The following GCGR variants were observed in gnomAD, a reference collection of about 807,000 sequenced individuals.
The protein encoded by GCGR is glucagon receptor.
In GCGR, 41 loss-of-function variants were observed where a neutral mutation model predicts 56.1. The ratio of observed to expected loss-of-function variants is 0.73; its 90% CI spans 0.57 to 0.95. GCGR has a LOEUF of 0.95. Among genes scored for constraint, GCGR ranks in the 40% least tolerant of loss-of-function variants. The pLI is 0.00. For missense variants in GCGR, 595 were observed against 638.2 expected, an observed-to-expected ratio of 0.93 and a Z score of 0.73; for synonymous variants, 278 against 271.1, an observed-to-expected ratio of 1.03 and a Z score of -0.25.
Position 81,811,314 on chromosome 17 carries a change from C to T in GCGR, c.486C>T (p.Ile162=), listed in dbSNP as rs1183898868. 1.3e-6 allele frequency: 2 copies of T among 1,535,122 alleles called. No homozygotes were observed. Among genetic ancestry groups the T allele is most frequent in the Non-Finnish European group, 1.7e-6 (2 of 1,146,088 alleles). ...SLGALLLALA[I]LGGLSKLHCT... ...GGGCCCTGCTCCTCGCCTTGGCCAT[C>T]CTGGGGGGCCTCAGGTAGGATTCCG... Residue 162 remains isoleucine, a synonymous_variant, in exon 6 of 14, where the codon ATC becomes ATT. Coordinates refer to ENST00000400723, the MANE Select transcript of GCGR (RefSeq NM_000160.5). This position sits in a 1 kb window ranked among gnomAD's most constrained non-coding sequence, Gnocchi z 5.8.
Position 81,813,269 on chromosome 17 carries a change from T to C in GCGR, c.1219-205T>C, listed in dbSNP as rs28612494. On this transcript the variant is annotated intron_variant, in intron 13 of 13. Transcript: ENST00000400723. The surrounding 1 kb of genome is among the most constrained non-coding windows in gnomAD (Gnocchi z 5.3). ...GTTGGCCTCAGCCCCATCGCTACGGTGTCCACCGTGGGGGTCCCCAGGTGT... is the reference window on the plus strand; with the variant it reads ...GTTGGCCTCAGCCCCATCGCTACGGCGTCCACCGTGGGGGTCCCCAGGTGT... Among the ~76,000 whole-genome samples the C allele has an allele frequency of 0.16, 24,236 of 152,182 alleles. 2,058 individuals are homozygous for C. The highest frequency in any genetic ancestry group is 0.21 in the Admixed American group (3,267 of 15,296).
chr17:81,809,318 GTCCA>G (rs2038031347), intron 2 of GCGR, among the ~76,000 whole-genome samples: 1 of 148,436 alleles, frequency 6.7e-6, no homozygotes. Flanking sequence ...CTGTCCATCT[GTCCA>G]TCTGCCTATC....
At chr17:81,809,693 A>ACCTGCCTG in intron 2 of GCGR, 89 bp from the exon 3 acceptor site, 8 of 784,696 alleles carry the variant, frequency 1.0e-5, no homozygotes, top group Non-Finnish European at 1.5e-5. Flanking sequence ...CTATCCATCT[A>ACCTGCCTG]CCTGCCTGCC....
rs61738411 is a variant in GCGR, at chr17:81,813,506, C to T, written c.1251C>T (p.Arg417=). 1,169 of 1,535,676 alleles carry T rather than the reference C, an allele frequency of 7.6e-4. 8 individuals carry two copies. In the African/African-American group the frequency reaches 0.014, roughly 19 times the overall value. ...CGGAGCTGCGGCGGCGTTGGCACCGCTGGCGCCTGGGCAAAGTGCTATGGG... is the reference window on the plus strand; with the variant it reads ...CGGAGCTGCGGCGGCGTTGGCACCGTTGGCGCCTGGGCAAAGTGCTATGGG... ...VQSELRRRWH[R]WRLGKVLWEE... is the part of the protein sequence containing the mutation. The change falls in exon 14 of 14, where the codon CGC becomes CGT. Residue 417 remains arginine, a synonymous_variant. Coordinates refer to ENST00000400723, the MANE Select transcript of GCGR (RefSeq NM_000160.5). This position sits in a 1 kb window ranked among gnomAD's most constrained non-coding sequence, Gnocchi z 5.3.
rs781447870 is a variant in GCGR at position 81,812,972 on chromosome 17, G to A, written c.1176+27G>A. The A allele has an allele frequency of 8.0e-5, 123 of 1,535,790 alleles. No individual in the cohort carries two copies. The highest frequency in any genetic ancestry group is 1.6e-4 in the Admixed American group (8 of 50,962). On this transcript the variant is annotated intron_variant, in intron 12 of 13. Coordinates refer to ENST00000400723, the MANE Select transcript of GCGR (RefSeq NM_000160.5). The surrounding 1 kb of genome is among the most constrained non-coding windows in gnomAD (Gnocchi z 8.5). ...TGCCCGCCCGCCCGCCGGCTCCCCC[G>A]CCCGGGGCGCAGTGTGCCACCCCTG... is the stretch of plus-strand genomic sequence containing the variant.
Position 81,812,007 on chromosome 17 carries a change from G to T in GCGR, c.878+61G>T. On this transcript the variant is annotated intron_variant, in intron 9 of 13. Coordinates refer to ENST00000400723, the MANE Select transcript of GCGR (RefSeq NM_000160.5). This position sits in a 1 kb window ranked among gnomAD's most constrained non-coding sequence, Gnocchi z 8.5. Reference sequence around the variant, plus strand: ...CGGGGGGCTGGGGTGCGGCGCTCTGGCCTGAGGCAGGGAGGGGCCGGGGAT... The same window carrying T: ...CGGGGGGCTGGGGTGCGGCGCTCTGTCCTGAGGCAGGGAGGGGCCGGGGAT... 1 of 1,532,300 alleles carries T rather than the reference G, an allele frequency of 6.5e-7. No homozygotes were observed. The allele number at this position is 1,532,300 out of a possible 1,614,324, so 94.9% of individuals were successfully genotyped here.
At position 81,804,426 on chromosome 17, in the gene GCGR, C is replaced by T. The variant is rs1488022350; in HGVS notation, c.-178+177C>T. Among the ~76,000 whole-genome samples, 1 of 151,820 alleles carries T rather than the reference C, an allele frequency of 6.6e-6. No individual in the cohort carries two copies. Among genetic ancestry groups the T allele is most frequent in the Non-Finnish European group, 1.5e-5 (1 of 67,904 alleles). On this transcript the variant is annotated intron_variant, in intron 1 of 13. Transcript: ENST00000400723. This position sits in a 1 kb window ranked among gnomAD's most constrained non-coding sequence, Gnocchi z 8.2. ...CCGTCAGACACCCCCGTTCCCAACCCCGGCTCGGACACCACCCGGTCCTGC... is the reference window on the plus strand; with the variant it reads ...CCGTCAGACACCCCCGTTCCCAACCTCGGCTCGGACACCACCCGGTCCTGC...
chr17:81,809,540 CGTCTGCCTGTCT>C (rs1208586476), intron 2 of GCGR, among the ~76,000 whole-genome samples: 6 of 87,020 alleles, frequency 6.9e-5, no homozygotes, highest in Admixed American at 3.9e-4. Context: ...CCTGTCTGCC[CGTCTGCCTGTCT>C]GTCTGCCTGT....
intron 2 of GCGR, 70 bp downstream of exon 2, chr17:81,809,148 C>A: frequency 1.0e-6 from 1 of 984,112 alleles, no homozygotes; most frequent in Non-Finnish European, 1.4e-6. Flanking sequence ...GGCTCTCTGT[C>A]TGCCTGCCTG....
In GCGR at chr17:81,810,692, G is replaced by A. The variant is rs1178889406; in HGVS notation, c.164-133G>A. 1.3e-6 allele frequency: 1 copy of A among 795,930 alleles called. No individual in the cohort carries two copies. Among genetic ancestry groups the A allele is most frequent in the Non-Finnish European group, 2.0e-6 (1 of 488,924 alleles). 49.3% of individuals were successfully genotyped at this position (795,930 alleles called of 1,614,324 possible). ...AGGTGGAGGTCAAGTGGGGGAGGGA[G>A]CAGCCCAGGCCATGTCCTGGGCGAG... On this transcript the variant is annotated intron_variant, in intron 3 of 13. Coordinates refer to ENST00000400723, the MANE Select transcript of GCGR (RefSeq NM_000160.5). This position sits in a 1 kb window ranked among gnomAD's most constrained non-coding sequence, Gnocchi z 4.6.
chr17:81,811,437 G>T lies in GCGR; in HGVS notation c.534G>T (p.Ala178=). The change falls in exon 7 of 14, where the codon GCG becomes GCT. Residue 178 remains alanine (A), a synonymous_variant. Transcript: ENST00000400723. This position sits in a 1 kb window ranked among gnomAD's most constrained non-coding sequence, Gnocchi z 5.8. ...KLHCTRNAIH[A]NLFASFVLKA... is the part of the protein sequence containing the mutation. ...ACTGCACCCGCAATGCCATCCACGCGAATCTGTTTGCGTCCTTCGTGCTGA... is the reference window on the plus strand; with the variant it reads ...ACTGCACCCGCAATGCCATCCACGCTAATCTGTTTGCGTCCTTCGTGCTGA... 1 of 1,536,582 alleles carries T rather than the reference G, an allele frequency of 6.5e-7. No homozygotes were observed. Among genetic ancestry groups the T allele is most frequent in the Non-Finnish European group, 8.7e-7 (1 of 1,146,866 alleles).
In GCGR at chr17:81,804,177, G is replaced by A. The variant is rs925995350; in HGVS notation, c.-250G>A. 6.6e-5 allele frequency: 10 copies of A among 151,288 alleles called. No homozygotes were observed. The highest frequency in any genetic ancestry group is 2.4e-4 in the African/African-American group (10 of 41,316). The allele number at this position is 151,288 out of a possible 1,614,324, so 9.4% of individuals were successfully genotyped here. A position where few individuals can be genotyped will look rare whatever the true frequency, so the allele number is the denominator to read the frequency against. Reference sequence around the variant, plus strand: ...TCTGGCAGCGCCGCGAAGACGAGCGGTCACCGGCGCCCGACCCGAGCGCGC... The same window carrying A: ...TCTGGCAGCGCCGCGAAGACGAGCGATCACCGGCGCCCGACCCGAGCGCGC... On this transcript the variant is annotated 5_prime_UTR_variant, in exon 1 of 14. Transcript: ENST00000400723. The surrounding 1 kb of genome is among the most constrained non-coding windows in gnomAD (Gnocchi z 8.2).
Position 81,809,726 on chromosome 17 carries a change from T to C in GCGR, c.61-56T>C, listed in dbSNP as rs13306378. ...GCCTGTCTGCCTGTCTGTCTGCCTG[T>C]CTGTCTGCCTGCCTGTCTGTCTGTC... On this transcript the variant is annotated intron_variant, in intron 2 of 13. Transcript: ENST00000400723. 3.2e-3 allele frequency: 4,116 copies of C among 1,298,568 alleles called. 1 individual carries two copies. The highest frequency in any genetic ancestry group is 4.0e-3 in the Non-Finnish European group (3,722 of 932,726). 80.4% of individuals were successfully genotyped at this position (1,298,568 alleles called of 1,614,324 possible). A position where few individuals can be genotyped will look rare whatever the true frequency, so the allele number is the denominator to read the frequency against.
intron 1 of GCGR, among the ~76,000 whole-genome samples, chr17:81,808,533 T>G (rs1310720250): frequency 3.3e-5 from 5 of 150,132 alleles, no homozygotes; most frequent in African/African-American, 1.2e-4. Flanking sequence ...TTTTTTTTTT[T>G]TTTTGAGACG....
In GCGR at chr17:81,810,365, A is replaced by AG; in HGVS notation, c.164-454dup. ...GAGGGAGGCAGCCACCACTGGGCAGAGGGGGGCAGGTGTGGCAGCCTCCAT... is the reference window on the plus strand; with the variant it reads ...GAGGGAGGCAGCCACCACTGGGCAGAGGGGGGGCAGGTGTGGCAGCCTCCAT... On this transcript the variant is annotated intron_variant, in intron 3 of 13. Coordinates refer to ENST00000400723, the MANE Select transcript of GCGR (RefSeq NM_000160.5). This position sits in a 1 kb window ranked among gnomAD's most constrained non-coding sequence, Gnocchi z 4.6. 2 of 325,204 alleles carry AG rather than the reference A, an allele frequency of 6.1e-6. No homozygotes were observed. Among genetic ancestry groups the AG allele is most frequent in the South Asian group, 2.9e-5 (1 of 34,424 alleles). 20.1% of individuals were successfully genotyped at this position (325,204 alleles called of 1,614,324 possible).
At position 81,806,615 on chromosome 17, in the gene GCGR, T is replaced by TC. The variant is rs2037970776; in HGVS notation, c.-177-2227_-177-2226insC. 6.6e-6 allele frequency among the ~76,000 whole-genome samples: 1 copy of TC among 152,106 alleles called. No homozygotes were observed. Among genetic ancestry groups the TC allele is most frequent in the Non-Finnish European group, 1.5e-5 (1 of 68,002 alleles). ...GACCTCATGTGTGGAGGCACTGGCTTGGGGGGTGCTCCCAGTGGCTCTAGA... is the reference window on the plus strand; with the variant it reads ...GACCTCATGTGTGGAGGCACTGGCTTCGGGGGGTGCTCCCAGTGGCTCTAGA... On this transcript the variant is annotated intron_variant, in intron 1 of 13. Coordinates refer to ENST00000400723, the MANE Select transcript of GCGR (RefSeq NM_000160.5). The surrounding 1 kb of genome is among the most constrained non-coding windows in gnomAD (Gnocchi z 6.5).
rs985911098 is a variant in GCGR, at chr17:81,811,483, A to G, written c.580A>G (p.Ile194Val). The G allele has an allele frequency of 7.2e-6, 11 of 1,536,538 alleles. No individual in the cohort carries two copies. Among genetic ancestry groups the G allele is most frequent in the African/African-American group, 1.4e-5 (1 of 73,044 alleles). Reference protein sequence around the residue: ...FVLKASSVLVIDGLLRTRYSQ... With the variant: ...FVLKASSVLVVDGLLRTRYSQ... Reference sequence around the variant, plus strand: ...GCTGAAAGCCAGCTCCGTGCTGGTCATTGATGGGCTGCTCAGGACCCGCTA... The same window carrying G: ...GCTGAAAGCCAGCTCCGTGCTGGTCGTTGATGGGCTGCTCAGGACCCGCTA... Residue 194 changes from isoleucine (I) to valine (V), a missense_variant, in exon 7 of 14, where the codon ATT becomes GTT. Transcript: ENST00000400723. This position sits in a 1 kb window ranked among gnomAD's most constrained non-coding sequence, Gnocchi z 5.8.
In GCGR at chr17:81,804,373, G is replaced by C. The variant is rs1275056801; in HGVS notation, c.-178+124G>C. ...GCGGGGAGCCGGCCGGGCGGTCTCC[G>C]GGGTCCGGGCTGGTGCGCTCCTCAG... is the stretch of plus-strand genomic sequence containing the variant. On this transcript the variant is annotated intron_variant, in intron 1 of 13. Transcript: ENST00000400723. The surrounding 1 kb of genome is among the most constrained non-coding windows in gnomAD (Gnocchi z 8.2). The C allele has an allele frequency of 6.5e-6, 1 of 152,782 alleles. No individual in the cohort carries two copies. The highest frequency in any genetic ancestry group is 6.6e-5 in the Admixed American group (1 of 15,250). The allele number at this position is 152,782 out of a possible 1,614,324, so 9.5% of individuals were successfully genotyped here.
In GCGR at chr17:81,811,982, CG is replaced by C. The variant is rs754402275; in HGVS notation, c.878+42del. On this transcript the variant is annotated intron_variant, in intron 9 of 13. Transcript: ENST00000400723. This position sits in a 1 kb window ranked among gnomAD's most constrained non-coding sequence, Gnocchi z 5.8. ...GCGGCTGGACAGCCTGGGGAGGGACCGGGGGGCTGGGGTGCGGCGCTCTGGC... is the reference window on the plus strand; with the variant it reads ...GCGGCTGGACAGCCTGGGGAGGGACCGGGGGCTGGGGTGCGGCGCTCTGGC... The C allele has an allele frequency of 2.8e-6, 4 of 1,454,110 alleles. No homozygotes were observed. Among genetic ancestry groups the C allele is most frequent in the East Asian group, 2.9e-5 (1 of 34,966 alleles). The allele number at this position is 1,454,110 out of a possible 1,614,324, so 90.1% of individuals were successfully genotyped here.
Sources: allele counts gnomAD v4.1 joint callset (sites outside exome capture counted in the v4.1 genomes callset), GRCh38; gene constraint gnomAD v4.1.1; non-coding constraint Gnocchi (gnomAD v3.1); transcripts MANE v1.5; gene names NCBI Gene and HGNC (gene_info 2026-07-23, HGNC 2026-07-21).